ADRA1A: variants seen among roughly 807,000 people sequenced by gnomAD.
ADRA1A encodes adrenoceptor alpha 1A.
Under a neutral mutation model 29.6 loss-of-function variants are expected in ADRA1A, and 31 were observed. The ratio of observed to expected loss-of-function variants is 1.05; its 90% CI spans 0.79 to 1.41. ADRA1A has a LOEUF of 1.41. Among genes scored for constraint, ADRA1A ranks in the 40% most tolerant of loss-of-function variants. The pLI is 0.00. For missense variants in ADRA1A, 619 were observed against 601.1 expected, an observed-to-expected ratio of 1.03 and a Z score of -0.31; for synonymous variants, 311 against 254.3, an observed-to-expected ratio of 1.22 and a Z score of -2.12.
chr8:26,833,044 A>G lies in ADRA1A; in HGVS notation c.883+31043T>C, dbSNP rs114474400. Among the ~76,000 whole-genome samples, 1,480 of 152,354 alleles carry G rather than the reference A, an allele frequency of 9.7e-3. 24 individuals are homozygous for G. Among genetic ancestry groups the G allele is most frequent in the African/African-American group, 0.032 (1,351 of 41,580 alleles). On this transcript the variant is annotated intron_variant, in intron 2 of 2. Coordinates refer to ENST00000380573, the MANE Select transcript of ADRA1A (RefSeq NM_000680.4). ...GCGCCCATTGCACGGGTGCACGATCACATGTATGTATATTAGTAAAGTTAT... is the reference window on the plus strand; with the variant it reads ...GCGCCCATTGCACGGGTGCACGATCGCATGTATGTATATTAGTAAAGTTAT...
downstream of ADRA1A, among the ~76,000 whole-genome samples, chr8:26,754,675 C>T (rs560229069): frequency 2.2e-4 from 34 of 152,062 alleles, no homozygotes; most frequent in Non-Finnish European, 3.5e-4. Flanking sequence ...GGTTAAATGG[C>T]GTCAGCTTTA....
intron 2 of ADRA1A, among the ~76,000 whole-genome samples, chr8:26,780,533 T>G (rs1237338922): frequency 6.6e-6 from 1 of 152,194 alleles, no homozygotes; most frequent in Non-Finnish European, 1.5e-5. Context: ...GTTTTCAAAA[T>G]CCCACTCATC....
intron 2 of ADRA1A, among the ~76,000 whole-genome samples, chr8:26,846,538 G>A (rs1460826620): frequency 1.3e-5 from 2 of 152,196 alleles, no homozygotes; most frequent in Non-Finnish European, 2.9e-5. Flanking sequence ...GGAGGCCGAG[G>A]TGGGTGGATC....
chr8:26,767,751 T>A (rs1805868871), downstream of ADRA1A, among the ~76,000 whole-genome samples: 1 of 152,152 alleles, frequency 6.6e-6, no homozygotes, highest in African/African-American at 2.4e-5. Context: ...CATAATTTGT[T>A]GAAGAAAAAC....
At position 26,866,858 on chromosome 8, in the gene ADRA1A, GT is replaced by G; in HGVS notation, c.-687+77del. 1 of 985,296 alleles carries G rather than the reference GT, an allele frequency of 1.0e-6. No homozygotes were observed. Among genetic ancestry groups the G allele is most frequent in the Non-Finnish European group, 1.2e-6 (1 of 829,942 alleles). 61.0% of individuals were successfully genotyped at this position (985,296 alleles called of 1,614,324 possible). A position where few individuals can be genotyped will look rare whatever the true frequency, so the allele number is the denominator to read the frequency against. On this transcript the variant is annotated intron_variant, in intron 1 of 2. Transcript: ENST00000380573. The surrounding 1 kb of genome is among the most constrained non-coding windows in gnomAD (Gnocchi z 5.7). ...GCGGGAGGCGCTGGGAAAAGTGGGG[GT>G]TCCGTCTCACCAGACGGCGGGGGAG...
chr8:26,762,107 A>G (rs1353632111), downstream of ADRA1A, among the ~76,000 whole-genome samples: 1 of 152,198 alleles, frequency 6.6e-6, no homozygotes, highest in Non-Finnish European at 1.5e-5. The surrounding 1 kb of genome is among the most constrained non-coding windows in gnomAD (Gnocchi z 4.0). Context: ...CAGAAGATGC[A>G]GAAGAAGAGA....
intron 2 of ADRA1A, among the ~76,000 whole-genome samples, chr8:26,750,450 C>T (rs1011114484): frequency 6.6e-6 from 1 of 152,128 alleles, no homozygotes; most frequent in Non-Finnish European, 1.5e-5. Flanking sequence ...GATCCACTGG[C>T]CTCGGCCTCC....
chr8:26,812,981 C>T (rs1340616285), intron 2 of ADRA1A, among the ~76,000 whole-genome samples: 1 of 146,124 alleles, frequency 6.8e-6, no homozygotes, highest in Non-Finnish European at 1.5e-5. Context: ...TTTTATAATA[C>T]ATTTAATTTT....
At chr8:26,813,040 T>C (rs887612041) in intron 2 of ADRA1A, among the ~76,000 whole-genome samples, 2 of 148,888 alleles carry the variant, frequency 1.3e-5, no homozygotes, top group African/African-American at 5.2e-5. Flanking sequence ...TTCTCAGAGT[T>C]GCGCTATCGT....
chr8:26,800,214 G>A (rs543870314), intron 2 of ADRA1A, among the ~76,000 whole-genome samples: 6 of 152,140 alleles, frequency 3.9e-5, no homozygotes, highest in East Asian at 3.9e-4. Flanking sequence ...AGCTGAGATC[G>A]TGCCACTGCA....
At chr8:26,795,009 A>G (rs1220864153) in intron 2 of ADRA1A, among the ~76,000 whole-genome samples, 1 of 152,158 alleles carries the variant, frequency 6.6e-6, no homozygotes, top group Admixed American at 6.6e-5. Flanking sequence ...TTTTTAAAAA[A>G]TCTTTTTTCC....
Position 26,770,331 on chromosome 8 carries a change from A to G in ADRA1A, c.1219T>C (p.Ser407Pro), listed in dbSNP as rs766449308. 5 of 1,614,204 alleles carry G rather than the reference A, an allele frequency of 3.1e-6. No individual in the cohort carries two copies. Among genetic ancestry groups the G allele is most frequent in the Middle Eastern group, 1.6e-4 (1 of 6,062 alleles). Reference sequence around the variant, plus strand: ...TCTTTGGACACTGTAATCCTGGCAGATCCACGGGGCATGGAAGAGAAAAAT... The same window carrying G: ...TCTTTGGACACTGTAATCCTGGCAGGTCCACGGGGCATGGAAGAGAAAAAT... ...WKFFSSMPRG[S>P]ARITVSKDQS... Residue 407 changes from serine (S) to proline (P), a missense_variant, in exon 3 of 3, where the codon TCT becomes CCT. Coordinates refer to ENST00000380573, the MANE Select transcript of ADRA1A (RefSeq NM_000680.4).
chr8:26,748,373 T>TCATGACCTAATTAC (rs1804780875), exon 3 of ADRA1A: 1 of 180,176 alleles, frequency 5.6e-6, no homozygotes, highest in East Asian at 1.8e-4. Context: ...GCTGTTTTTC[T>TCATGACCTAATTAC]TTCTTTTGCA....
At chr8:26,783,704 A>G (rs1329104026) in intron 2 of ADRA1A, among the ~76,000 whole-genome samples, 1 of 152,236 alleles carries the variant, frequency 6.6e-6, no homozygotes, top group Non-Finnish European at 1.5e-5. Flanking sequence ...AATATAAATC[A>G]TTCTATTTCA....
At chr8:26,748,452 AT>A in exon 3 of ADRA1A, 1 of 179,976 alleles carries the variant, frequency 5.6e-6, no homozygotes, top group Non-Finnish European at 1.2e-5. Flanking sequence ...AAAAAAAAAA[AT>A]AGTTGGGCCG....
rs1808947231 is a variant in ADRA1A at position 26,805,979 on chromosome 8, A to G, written c.884-35313T>C. On this transcript the variant is annotated intron_variant, in intron 2 of 2. Transcript: ENST00000380573. This position sits in a 1 kb window ranked among gnomAD's most constrained non-coding sequence, Gnocchi z 4.8. ...GGCCCCCTCCACACCCACTCTGGAA[A>G]GCTGAGGGTTGTGGCTGGTTCTCCT... 6.6e-6 allele frequency among the ~76,000 whole-genome samples: 1 copy of G among 152,156 alleles called. No individual in the cohort carries two copies. Among genetic ancestry groups the G allele is most frequent in the African/African-American group, 2.4e-5 (1 of 41,426 alleles).
intron 2 of ADRA1A, among the ~76,000 whole-genome samples, chr8:26,847,194 A>G (rs1441566693): frequency 6.6e-6 from 1 of 152,120 alleles, no homozygotes; most frequent in Non-Finnish European, 1.5e-5. Context: ...CATTGTGCAC[A>G]TGTACCCTAA....
At chr8:26,790,457 A>G (rs1807736197) in intron 2 of ADRA1A, among the ~76,000 whole-genome samples, 1 of 152,142 alleles carries the variant, frequency 6.6e-6, no homozygotes. Flanking sequence ...GGCTGGGAAG[A>G]ATCGTGGGGA....
chr8:26,750,071 G>T (rs548699700), intron 2 of ADRA1A, among the ~76,000 whole-genome samples: 2 of 152,196 alleles, frequency 1.3e-5, no homozygotes, highest in Admixed American at 6.5e-5. Flanking sequence ...CTGGAGGCTG[G>T]GAAGTTCAAA....
Sources: gnomAD v4.1 joint callset for allele counts (sites outside exome capture counted in the v4.1 genomes callset) on GRCh38, gnomAD v4.1.1 for gene constraint, Gnocchi (gnomAD v3.1) non-coding constraint, MANE v1.5 for transcripts, NCBI Gene and HGNC (gene_info 2026-07-23, HGNC 2026-07-21) for gene names.